Variants in ZNF407 observed in about 807,000 individuals in gnomAD.
ZNF407 encodes zinc finger protein 407.
Under a neutral mutation model 131.2 loss-of-function variants are expected in ZNF407, and 17 were observed. The observed-to-expected ratio is 0.13, with a 90% CI of 0.09 to 0.19. ZNF407 has a LOEUF of 0.19. Ranked by LOEUF, ZNF407 falls within the 10% of genes least tolerant of loss-of-function variation. ZNF407 has a pLI of 1.00. For synonymous variants in ZNF407, 1,156 were observed against 1,062.0 expected (o/e 1.09, Z -1.72); for missense variants, 2,681 against 2,830.6 (o/e 0.95, Z 1.20).
chr18:74,705,505 G>A (rs979711809), intron 3 of ZNF407, among the ~76,000 whole-genome samples: 13 of 152,150 alleles, frequency 8.5e-5, no homozygotes, highest in African/African-American at 2.7e-4. Flanking sequence ...TAATTAAAAC[G>A]TCTTGTACCT....
intron 1 of ZNF407, among the ~76,000 whole-genome samples, chr18:74,628,179 T>C (rs9989497): frequency 0.072 from 10,904 of 152,230 alleles, 466 homozygotes; most frequent in African/African-American, 0.12. Flanking sequence ...ATAAATGCAA[T>C]AAAACTAGAT....
intron 3 of ZNF407, among the ~76,000 whole-genome samples, chr18:74,753,481 T>C (rs561581806): frequency 2.2e-4 from 34 of 152,318 alleles, no homozygotes; most frequent in African/African-American, 6.3e-4. Context: ...CAGTATGATA[T>C]TGGCTGTGGG....
At chr18:74,619,808 C>G (rs1055274253) in intron 1 of ZNF407, among the ~76,000 whole-genome samples, 10 of 152,158 alleles carry the variant, frequency 6.6e-5, no homozygotes, top group Non-Finnish European at 1.2e-4. Context: ...TCCCATTTCT[C>G]TGTAGCTGTA....
At chr18:74,688,376 A>C (rs536936747) in intron 3 of ZNF407, among the ~76,000 whole-genome samples, 1 of 152,244 alleles carries the variant, frequency 6.6e-6, no homozygotes, top group African/African-American at 2.4e-5. Context: ...GGAGCCTAAC[A>C]GATATCTATG....
chr18:74,890,820 G>C (rs1971374152), intron 7 of ZNF407, among the ~76,000 whole-genome samples: 1 of 152,190 alleles, frequency 6.6e-6, no homozygotes, highest in African/African-American at 2.4e-5. Flanking sequence ...ACAGAGGAGA[G>C]AACATCTCAG....
At chr18:74,978,471 G>C (rs530540234) in intron 8 of ZNF407, among the ~76,000 whole-genome samples, 1 of 152,064 alleles carries the variant, frequency 6.6e-6, no homozygotes, top group Admixed American at 6.6e-5. Context: ...TCATTAAGAG[G>C]TGATGGAAAT....
intron 1 of ZNF407, among the ~76,000 whole-genome samples, chr18:74,620,697 A>C (rs1164022086): frequency 1.3e-5 from 2 of 152,182 alleles, no homozygotes; most frequent in Non-Finnish European, 2.9e-5. Flanking sequence ...GTCAGGCTAC[A>C]TGTGGCATGC....
chr18:74,627,731 G>A (rs886773003), intron 1 of ZNF407, among the ~76,000 whole-genome samples: 8 of 152,038 alleles, frequency 5.3e-5, no homozygotes, highest in African/African-American at 1.9e-4. Context: ...CTTGTGTACC[G>A]AGAAATCCTG....
chr18:74,971,151 C>T (rs1162671184), intron 8 of ZNF407, among the ~76,000 whole-genome samples: 5 of 152,186 alleles, frequency 3.3e-5, no homozygotes, highest in African/African-American at 4.8e-5. Flanking sequence ...GGGACCCTGG[C>T]CCCAGCCCAC....
At chr18:74,883,990 T>G (rs1335466362) in intron 6 of ZNF407, among the ~76,000 whole-genome samples, 1 of 152,226 alleles carries the variant, frequency 6.6e-6, no homozygotes, top group Non-Finnish European at 1.5e-5. Context: ...CAGATAACAT[T>G]GTTTGAGAGT....
intron 4 of ZNF407, among the ~76,000 whole-genome samples, chr18:74,870,884 A>G (rs1195285887): frequency 6.6e-6 from 1 of 152,196 alleles, no homozygotes; most frequent in Non-Finnish European, 1.5e-5. Context: ...TATGGTGAAC[A>G]GGTTACTATG....
chr18:74,963,176 A>C (rs1338104785), intron 8 of ZNF407, among the ~76,000 whole-genome samples: 1 of 141,114 alleles, frequency 7.1e-6, no homozygotes, highest in African/African-American at 2.6e-5. Flanking sequence ...TTTTGTCCTG[A>C]ATGGAACATT....
intron 1 of ZNF407, among the ~76,000 whole-genome samples, chr18:74,612,223 G>T (rs1240758260): frequency 6.6e-6 from 1 of 152,072 alleles, no homozygotes; most frequent in African/African-American, 2.4e-5. Flanking sequence ...ATATGGATAT[G>T]ATAAAGTAAT....
intron 6 of ZNF407, among the ~76,000 whole-genome samples, chr18:74,888,289 A>C (rs1277968430): frequency 6.6e-6 from 1 of 152,140 alleles, no homozygotes; most frequent in African/African-American, 2.4e-5. Flanking sequence ...ACTGTTTGAT[A>C]CAAGTATAAT....
chr18:74,749,254 T>C (rs1968742338), intron 3 of ZNF407, among the ~76,000 whole-genome samples: 1 of 152,184 alleles, frequency 6.6e-6, no homozygotes, highest in Non-Finnish European at 1.5e-5. Context: ...ACAGGTCTCC[T>C]CTCTGCTGTC....
chr18:74,779,109 A>ATATATATATATATTTTTTT (rs397943457), intron 3 of ZNF407, among the ~76,000 whole-genome samples: 3 of 24,376 alleles, frequency 1.2e-4, no homozygotes, highest in Non-Finnish European at 1.4e-4. Context: ...ATATATATAT[A>ATATATATATATATTTTTTT]TTTTTTTTTT....
intron 4 of ZNF407, among the ~76,000 whole-genome samples, chr18:74,800,243 G>C (rs574174501): frequency 6.6e-6 from 1 of 152,136 alleles, no homozygotes; most frequent in East Asian, 1.9e-4. Flanking sequence ...TCTGCTTTTT[G>C]TAATTCTTGG....
intron 2 of ZNF407, among the ~76,000 whole-genome samples, chr18:74,638,836 G>C (rs1984580565): frequency 6.6e-6 from 1 of 152,108 alleles, no homozygotes; most frequent in South Asian, 2.1e-4. Flanking sequence ...TAAACACTGT[G>C]CCTGCATTCA....
chr18:74,710,199 A>G (rs774792446), intron 3 of ZNF407, among the ~76,000 whole-genome samples: 1 of 152,212 alleles, frequency 6.6e-6, no homozygotes, highest in African/African-American at 2.4e-5. Flanking sequence ...TACCTCTGTT[A>G]TATTTAATTG....
Sources: gnomAD v4.1 joint callset for allele counts (sites outside exome capture counted in the v4.1 genomes callset) on GRCh38, gnomAD v4.1.1 for gene constraint, MANE v1.5 for transcripts, NCBI Gene and HGNC (gene_info 2026-07-23, HGNC 2026-07-21) for gene names.